The following TXNDC16 variants were observed in gnomAD, a reference collection of about 807,000 sequenced individuals.
The protein encoded by TXNDC16 is thioredoxin domain-containing protein 16.
TXNDC16 carries 74 observed loss-of-function variants against 85.6 expected under a neutral mutation model. The observed-to-expected ratio is 0.86, with a 90% CI of 0.72 to 1.05. TXNDC16 has a LOEUF of 1.05. TXNDC16 is among the 50% of genes least tolerant of loss of function. TXNDC16 has a pLI of 0.00. For missense variants in TXNDC16, 959 were observed against 947.0 expected (o/e 1.01, Z -0.17); for synonymous variants, 335 against 326.5 (o/e 1.03, Z -0.28).
At position 52,439,398 on chromosome 14, in the gene TXNDC16, C is replaced by T. The variant is rs781048334; in HGVS notation, c.2004-4G>A. The stretch of plus-strand genomic sequence containing the variant: ...TCTCCCCACTGGAGTATTCTTTCTG[C>T]AAAAGGGAACAATTGAACATATTAA... On this transcript the variant is annotated splice_polypyrimidine_tract_variant and splice_region_variant and intron_variant, in intron 19 of 20. Coordinates refer to ENST00000281741, the MANE Select transcript of TXNDC16 (RefSeq NM_020784.3). 6.2e-7 allele frequency: 1 copy of T among 1,608,126 alleles called. No individual in the cohort carries two copies. Among genetic ancestry groups the T allele is most frequent in the South Asian group, 1.1e-5 (1 of 90,474 alleles).
intron 6 of TXNDC16, among the ~76,000 whole-genome samples, chr14:52,534,907 C>T (rs1373632227): frequency 1.3e-5 from 2 of 152,130 alleles, no homozygotes; most frequent in Admixed American, 1.3e-4. Context: ...TAGTACAGCA[C>T]TAAGAACAGG....
At chr14:52,492,828 C>T (rs1830204659) in intron 9 of TXNDC16, among the ~76,000 whole-genome samples, 1 of 152,190 alleles carries the variant, frequency 6.6e-6, no homozygotes, top group Admixed American at 6.5e-5. Flanking sequence ...TCGGCCCAGT[C>T]AGCCAAAGAG....
At chr14:52,551,604 A>C (rs1332955081) in intron 1 of TXNDC16, among the ~76,000 whole-genome samples, 2 of 152,166 alleles carry the variant, frequency 1.3e-5, no homozygotes, top group Non-Finnish European at 2.9e-5. Context: ...TATTCTAAAG[A>C]AAACAAATTA....
intron 12 of TXNDC16, among the ~76,000 whole-genome samples, chr14:52,484,241 T>C (rs530167637): frequency 6.6e-6 from 1 of 151,714 alleles, no homozygotes; most frequent in South Asian, 2.1e-4. Flanking sequence ...GGTTTGATAA[T>C]GGCTGGGGCC....
chr14:52,533,154 C>T (rs2037621839), intron 6 of TXNDC16, among the ~76,000 whole-genome samples: 1 of 152,120 alleles, frequency 6.6e-6, no homozygotes, highest in African/African-American at 2.4e-5. Flanking sequence ...GCTCAAACTC[C>T]TATAGATGCC....
intron 5 of TXNDC16, among the ~76,000 whole-genome samples, 171 bp from the exon 6 acceptor site, chr14:52,536,964 C>CAATA (rs1289642174): frequency 6.6e-6 from 1 of 151,932 alleles, no homozygotes; most frequent in Non-Finnish European, 1.5e-5. Context: ...AATACATTCT[C>CAATA]AATAAATATA....
chr14:52,446,354 C>T (rs777307457), intron 18 of TXNDC16, among the ~76,000 whole-genome samples: 25 of 152,170 alleles, frequency 1.6e-4, no homozygotes, highest in South Asian at 2.1e-4. Flanking sequence ...AGTGCATGCT[C>T]GCCCACAGTG....
chr14:52,543,527 C>A lies in TXNDC16; in HGVS notation c.31G>T (p.Gly11Trp). 6.2e-7 allele frequency: 1 copy of A among 1,613,308 alleles called. No individual in the cohort carries two copies. Among genetic ancestry groups the A allele is most frequent in the South Asian group, 1.1e-5 (1 of 90,926 alleles). The change falls in exon 3 of 21, where the codon GGG (glycine) becomes TGG (tryptophan). Residue 11 changes from glycine (G) to tryptophan (W), a missense_variant. Coordinates refer to ENST00000281741, the MANE Select transcript of TXNDC16 (RefSeq NM_020784.3). MFSGFNVFRV[G>W]ISFVIMCIFY... is the part of the protein sequence containing the mutation. Reference sequence around the variant, plus strand: ...ATGCACATTATGACAAAAGAGATCCCAACTCTAAAGACATTGAAGCCGGAA... The same window carrying A: ...ATGCACATTATGACAAAAGAGATCCAAACTCTAAAGACATTGAAGCCGGAA...
intron 1 of TXNDC16, among the ~76,000 whole-genome samples, chr14:52,548,658 G>A (rs1338676339): frequency 6.6e-6 from 1 of 152,050 alleles, no homozygotes; most frequent in African/African-American, 2.4e-5. Flanking sequence ...GAGACGGGTG[G>A]ATCACCTGAG....
In TXNDC16 at chr14:52,529,269, T is replaced by G. The variant is rs149604489; in HGVS notation, c.392+7450A>C. On this transcript the variant is annotated intron_variant, in intron 6 of 20. Transcript: ENST00000281741. ...GCATGTTCTCACACATAGGTGGGAA[T>G]TGAACAATGAGAACATATGGACACA... Among the ~76,000 whole-genome samples the G allele has an allele frequency of 3.9e-3, 587 of 148,962 alleles. 6 individuals are homozygous for G. The highest frequency in any genetic ancestry group is 0.014 in the African/African-American group (566 of 40,742).
intron 20 of TXNDC16, 76 bp downstream of exon 20, chr14:52,439,128 T>C (rs1349903740): frequency 2.2e-6 from 3 of 1,387,392 alleles, no homozygotes; most frequent in Non-Finnish European, 3.0e-6. Flanking sequence ...CCTACCATTC[T>C]TTAGCTATAT....
intron 8 of TXNDC16, among the ~76,000 whole-genome samples, chr14:52,513,354 G>A (rs1391338687): frequency 1.3e-5 from 2 of 152,112 alleles, no homozygotes; most frequent in Non-Finnish European, 2.9e-5. Flanking sequence ...CCTATTAGGA[G>A]ATAACCCAAA....
intron 8 of TXNDC16, among the ~76,000 whole-genome samples, chr14:52,513,499 C>T (rs1266283441): frequency 6.6e-6 from 1 of 151,986 alleles, no homozygotes; most frequent in East Asian, 1.9e-4. Context: ...TTCCAAACTT[C>T]CCCAATACAT....
Position 52,432,416 on chromosome 14 carries a change from T to C in TXNDC16, c.2366A>G (p.Lys789Arg). Residue 789 changes from lysine (K) to arginine (R), a missense_variant, in exon 21 of 21, where the codon AAA becomes AGA. Transcript: ENST00000281741. ...EQHEDKSAVR[K>R]EPIETLRIKH... ...TATTCTCAGAGTTTCAATCGGTTCT[T>C]TTCTGACTGCCGATTTATCTTCATG... is the stretch of plus-strand genomic sequence containing the variant. The C allele has an allele frequency of 6.2e-7, 1 of 1,614,074 alleles. No homozygotes were observed. Among genetic ancestry groups the C allele is most frequent in the Non-Finnish European group, 8.5e-7 (1 of 1,179,978 alleles).
intron 18 of TXNDC16, among the ~76,000 whole-genome samples, chr14:52,447,267 T>C (rs754867108): frequency 6.6e-6 from 1 of 152,144 alleles, no homozygotes; most frequent in Non-Finnish European, 1.5e-5. Flanking sequence ...AGCAGTAGCC[T>C]GCCAGTACTC....
intron 6 of TXNDC16, among the ~76,000 whole-genome samples, chr14:52,526,577 C>A (rs146219646): frequency 5.3e-5 from 8 of 152,314 alleles, no homozygotes; most frequent in African/African-American, 1.9e-4. Flanking sequence ...CAGGAGCCAT[C>A]TGCTTCCATT....
At chr14:52,538,685 G>A (rs552618779) in intron 4 of TXNDC16, among the ~76,000 whole-genome samples, 41 of 152,278 alleles carry the variant, frequency 2.7e-4, no homozygotes, top group African/African-American at 9.4e-4. Context: ...GGGGCAAATG[G>A]AGAGCCACCA....
At chr14:52,533,243 C>A (rs1229245360) in intron 6 of TXNDC16, among the ~76,000 whole-genome samples, 2 of 152,136 alleles carry the variant, frequency 1.3e-5, no homozygotes, top group Non-Finnish European at 2.9e-5. Flanking sequence ...TTGCCTATTT[C>A]AGATGGTGAT....
chr14:52,474,622 C>T (rs2035979687), intron 14 of TXNDC16, among the ~76,000 whole-genome samples: 1 of 151,680 alleles, frequency 6.6e-6, no homozygotes, highest in African/African-American at 2.4e-5. Flanking sequence ...CCTAGCTACT[C>T]GGGAGGCTGA....
Sources: gnomAD v4.1 joint callset for allele counts (sites outside exome capture counted in the v4.1 genomes callset) on GRCh38, gnomAD v4.1.1 for gene constraint, MANE v1.5 for transcripts, NCBI Gene and HGNC (gene_info 2026-07-23, HGNC 2026-07-21) for gene names.